Variants in AUH observed in about 807,000 individuals in gnomAD.
AUH encodes the protein methylglutaconyl-CoA hydratase, mitochondrial.
Under a neutral mutation model 42.3 loss-of-function variants are expected in AUH, and 29 were observed. The ratio of observed to expected loss-of-function variants is 0.69; its 90% CI spans 0.51 to 0.93. The LOEUF (loss-of-function observed/expected upper bound fraction) is 0.93. Ranked by LOEUF, AUH falls within the 40% of genes least tolerant of loss-of-function variation. The pLI is 0.00. For missense variants in AUH, 452 were observed against 438.1 expected, an observed-to-expected ratio of 1.03 and a Z score of -0.28; for synonymous variants, 174 against 166.4, an observed-to-expected ratio of 1.05 and a Z score of -0.35.
intron 4 of AUH, among the ~76,000 whole-genome samples, chr9:91,312,780 AGT>A (rs1234719815): frequency 1.3e-5 from 2 of 152,176 alleles, no homozygotes; most frequent in African/African-American, 4.8e-5. Context: ...ACCTGGAGTC[AGT>A]GTGAGCAGGC....
chr9:91,266,977 A>C (rs1300738910), intron 6 of AUH, among the ~76,000 whole-genome samples: 1 of 152,220 alleles, frequency 6.6e-6, no homozygotes, highest in Non-Finnish European at 1.5e-5. Context: ...TTTGGTGAGA[A>C]GTCTGAGAAG....
intron 4 of AUH, among the ~76,000 whole-genome samples, chr9:91,298,853 A>G (rs182538343): frequency 3.3e-5 from 5 of 152,324 alleles, no homozygotes; most frequent in Admixed American, 3.3e-4. Flanking sequence ...AACTCTATTA[A>G]TTTTATTTCT....
At chr9:91,295,495 T>C (rs993083293) in intron 6 of AUH, among the ~76,000 whole-genome samples, 1 of 152,054 alleles carries the variant, frequency 6.6e-6, no homozygotes, top group Non-Finnish European at 1.5e-5. Flanking sequence ...TACAGAGAAA[T>C]CTCTTGTGAA....
intron 6 of AUH, among the ~76,000 whole-genome samples, chr9:91,270,327 C>A (rs1825012932): frequency 6.6e-6 from 1 of 152,184 alleles, no homozygotes; most frequent in African/African-American, 2.4e-5. Context: ...GAGCCCCAGG[C>A]TGCAGAAACT....
At chr9:91,351,632 CAGG>C (rs923464581) in intron 3 of AUH, among the ~76,000 whole-genome samples, 10 of 152,146 alleles carry the variant, frequency 6.6e-5, no homozygotes, top group Non-Finnish European at 2.9e-5. Flanking sequence ...GGTGACACAG[CAGG>C]AGGTGAGCAC....
At chr9:91,257,010 T>C (rs1281070369) in intron 6 of AUH, among the ~76,000 whole-genome samples, 1 of 152,180 alleles carries the variant, frequency 6.6e-6, no homozygotes, top group Non-Finnish European at 1.5e-5. Context: ...CTCGTGTTGT[T>C]CTGCCACCCG....
At chr9:91,228,237 T>A (rs1827639513) in intron 6 of AUH, among the ~76,000 whole-genome samples, 1 of 152,238 alleles carries the variant, frequency 6.6e-6, no homozygotes, top group Non-Finnish European at 1.5e-5. Context: ...CACATCCTGT[T>A]ATTGGTCTAT....
intron 6 of AUH, among the ~76,000 whole-genome samples, chr9:91,244,406 A>G (rs1828684891): frequency 6.6e-6 from 1 of 152,268 alleles, no homozygotes; most frequent in South Asian, 2.1e-4. Flanking sequence ...ATTTGCACAT[A>G]AACTTAATGT....
At chr9:91,250,876 A>G (rs1829088324) in intron 6 of AUH, among the ~76,000 whole-genome samples, 1 of 152,224 alleles carries the variant, frequency 6.6e-6, no homozygotes, top group Admixed American at 6.5e-5. Flanking sequence ...AGAGGGATAC[A>G]GATTTCTGCT....
At chr9:91,238,255 A>G (rs2131325661) in intron 6 of AUH, among the ~76,000 whole-genome samples, 1 of 152,274 alleles carries the variant, frequency 6.6e-6, no homozygotes, top group Non-Finnish European at 1.5e-5. Flanking sequence ...GTCCTTTCAG[A>G]TTATCTCATG....
intron 3 of AUH, among the ~76,000 whole-genome samples, chr9:91,325,713 C>A (rs1208685241): frequency 6.6e-6 from 1 of 152,112 alleles, no homozygotes; most frequent in Non-Finnish European, 1.5e-5. Flanking sequence ...TATTAGAAAT[C>A]AAAACTAAGA....
intron 3 of AUH, among the ~76,000 whole-genome samples, chr9:91,339,370 C>G (rs1206337794): frequency 1.3e-5 from 2 of 152,104 alleles, no homozygotes; most frequent in Non-Finnish European, 2.9e-5. Context: ...GGTATGTTTA[C>G]CACAGTGGTA....
intron 6 of AUH, among the ~76,000 whole-genome samples, chr9:91,240,794 T>A (rs1312028379): frequency 6.6e-6 from 1 of 151,760 alleles, no homozygotes; most frequent in Non-Finnish European, 1.5e-5. Context: ...ATGAGCTCCC[T>A]TTTGGTGGTA....
chr9:91,342,337 C>T (rs901938683), intron 3 of AUH, among the ~76,000 whole-genome samples: 1 of 152,136 alleles, frequency 6.6e-6, no homozygotes, highest in Admixed American at 6.5e-5. Flanking sequence ...TTACATTGGG[C>T]CCAGTGGATA....
intron 4 of AUH, among the ~76,000 whole-genome samples, chr9:91,311,762 G>A (rs1330008825): frequency 1.3e-5 from 2 of 152,158 alleles, no homozygotes; most frequent in Non-Finnish European, 2.9e-5. Flanking sequence ...CGAACTACTG[G>A]AAGGAAGGTG....
At position 91,217,315 on chromosome 9, in the gene AUH, T is replaced by G. The variant is rs776767438; in HGVS notation, c.856A>C (p.Met286Leu). 5 of 1,613,642 alleles carry G rather than the reference T, an allele frequency of 3.1e-6. No individual in the cohort carries two copies. The highest frequency in any genetic ancestry group is 4.2e-6 in the Non-Finnish European group (5 of 1,179,722). The change falls in exon 8 of 10, where the codon ATG becomes CTG. Residue 286 changes from methionine to leucine, a missense_variant. Transcript: ENST00000375731. ...REFLPQGPVAMRVAKLAINQG... is the reference protein window; with the variant it reads ...REFLPQGPVALRVAKLAINQG... Reference sequence around the variant, plus strand: ...TTAATTGCTAATTTTGCCACTCTCATTGCAACAGGTCCCTAAAATTCAAAT... The same window carrying G: ...TTAATTGCTAATTTTGCCACTCTCAGTGCAACAGGTCCCTAAAATTCAAAT...
chr9:91,230,028 A>AT (rs1373900486), intron 6 of AUH, among the ~76,000 whole-genome samples: 2 of 150,972 alleles, frequency 1.3e-5, no homozygotes, highest in Non-Finnish European at 3.0e-5. Flanking sequence ...TCTGACAATT[A>AT]TGTGTCTTGG....
At chr9:91,315,216 G>A (rs1358160995) in intron 4 of AUH, among the ~76,000 whole-genome samples, 2 of 152,200 alleles carry the variant, frequency 1.3e-5, no homozygotes, top group Admixed American at 1.3e-4. Flanking sequence ...TGGGATTACA[G>A]GCATGAGCCA....
intron 6 of AUH, among the ~76,000 whole-genome samples, chr9:91,224,435 G>A (rs925852596): frequency 5.3e-5 from 8 of 152,068 alleles, no homozygotes; most frequent in African/African-American, 1.9e-4. Context: ...GATAGTGCCT[G>A]ATGCATAAAA....
Sources: allele counts gnomAD v4.1 joint callset (sites outside exome capture counted in the v4.1 genomes callset), GRCh38; gene constraint gnomAD v4.1.1; transcripts MANE v1.5; gene names NCBI Gene and HGNC (gene_info 2026-07-23, HGNC 2026-07-21).